ANKRD17: variants seen among roughly 807,000 people sequenced by gnomAD.
ANKRD17 encodes ankyrin repeat domain-containing protein 17.
ANKRD17 carries 19 observed loss-of-function variants against 229.7 expected under a neutral mutation model. The observed-to-expected ratio is 0.08, with a 90% CI of 0.06 to 0.12. The LOEUF is 0.12. Among genes scored for constraint, ANKRD17 ranks in the 10% least tolerant of loss-of-function variants. The pLI, the probability that ANKRD17 is intolerant of heterozygous loss-of-function variation, is 1.00. For synonymous variants in ANKRD17, 1,112 were observed against 1,146.1 expected, an observed-to-expected ratio of 0.97 and a Z score of 0.60; for missense variants, 2,176 against 3,176.8, an observed-to-expected ratio of 0.68 and a Z score of 7.57.
rs528162508 is a variant in ANKRD17 at position 73,131,243 on chromosome 4, G to T, written c.3234+3874C>A. Among the ~76,000 whole-genome samples, 20 of 152,306 alleles carry T rather than the reference G, an allele frequency of 1.3e-4. No individual in the cohort carries two copies. The South Asian group carries it at 3.7e-3, about 28-fold the overall frequency. On this transcript the variant is annotated intron_variant, in intron 16 of 33. Transcript: ENST00000358602. ...CCCTTGGCAAGTGAGTTCTAGTTGT[G>T]TAGCAGAGAGTTGAAGCCCCTTATG...
chr4:73,238,684 T>C (rs961594255), intron 1 of ANKRD17, among the ~76,000 whole-genome samples: 3 of 152,102 alleles, frequency 2.0e-5, no homozygotes, highest in Non-Finnish European at 2.9e-5. Flanking sequence ...CATACAGATC[T>C]GTAAAGAGGA....
chr4:73,147,221 C>A lies in ANKRD17; in HGVS notation c.1759+20G>T. On this transcript the variant is annotated intron_variant, in intron 9 of 33. Coordinates refer to ENST00000358602, the MANE Select transcript of ANKRD17 (RefSeq NM_032217.5). Reference sequence around the variant, plus strand: ...AAACAAATCATGTAAAAAACTTCTCCCAAATGCAAAAATGCCTACCTGCAG... The same window carrying A: ...AAACAAATCATGTAAAAAACTTCTCACAAATGCAAAAATGCCTACCTGCAG... 6.6e-7 allele frequency: 1 copy of A among 1,511,422 alleles called. No individual in the cohort carries two copies. The highest frequency in any genetic ancestry group is 1.3e-5 in the South Asian group (1 of 74,908). The allele number at this position is 1,511,422 out of a possible 1,614,324, so 93.6% of individuals were successfully genotyped here. A position where few individuals can be genotyped will look rare whatever the true frequency, so the allele number is the denominator to read the frequency against.
At chr4:73,179,518 A>ATATATATATTTT (rs1192164276) in intron 1 of ANKRD17, among the ~76,000 whole-genome samples, 6 of 40,780 alleles carry the variant, frequency 1.5e-4, no homozygotes, top group Non-Finnish European at 2.3e-4. Flanking sequence ...ATATATATAT[A>ATATATATATTTT]TTTTTTTTTT....
chr4:73,130,972 GT>G, intron 16 of ANKRD17, among the ~76,000 whole-genome samples: 1 of 152,030 alleles, frequency 6.6e-6, no homozygotes, highest in South Asian at 2.1e-4. Flanking sequence ...AATAAGTTTG[GT>G]TATACCAAAC....
chr4:73,083,328 C>T (rs1179495417), intron 30 of ANKRD17, among the ~76,000 whole-genome samples: 1 of 152,096 alleles, frequency 6.6e-6, no homozygotes, highest in Non-Finnish European at 1.5e-5. Context: ...AGGTATTTGA[C>T]AATGGTATCA....
intron 24 of ANKRD17, 108 bp downstream of exon 24, chr4:73,113,684 G>C: frequency 1.1e-6 from 1 of 894,010 alleles, no homozygotes. Flanking sequence ...AATCATGTAC[G>C]TAATTTAAAG....
intron 22 of ANKRD17, among the ~76,000 whole-genome samples, chr4:73,117,118 C>A (rs535130743): frequency 9.2e-5 from 14 of 152,164 alleles, no homozygotes; most frequent in African/African-American, 3.1e-4. Context: ...ACTTGTACGA[C>A]CTCTAGAGAT....
intron 1 of ANKRD17, among the ~76,000 whole-genome samples, chr4:73,235,914 G>A (rs1267980725): frequency 6.6e-6 from 1 of 151,792 alleles, no homozygotes; most frequent in African/African-American, 2.4e-5. Context: ...ATGTTTCCCA[G>A]GCTGGTTTCG....
chr4:73,123,074 T>A (rs964070991), intron 18 of ANKRD17, among the ~76,000 whole-genome samples: 1 of 152,120 alleles, frequency 6.6e-6, no homozygotes, highest in East Asian at 1.9e-4. Flanking sequence ...ACTTCAACAA[T>A]TGTTATAACC....
chr4:73,184,171 A>G (rs897072624), intron 1 of ANKRD17, among the ~76,000 whole-genome samples: 2 of 152,208 alleles, frequency 1.3e-5, no homozygotes, highest in Non-Finnish European at 2.9e-5. Context: ...TATTACTGCC[A>G]TACTAGAGAA....
chr4:73,247,097 C>G (rs1166230406), intron 1 of ANKRD17, among the ~76,000 whole-genome samples: 1 of 151,696 alleles, frequency 6.6e-6, no homozygotes, highest in African/African-American at 2.4e-5. Flanking sequence ...AAGAAAACAA[C>G]AAGACAATCC....
chr4:73,170,118 AG>A (rs1238089948), intron 2 of ANKRD17, among the ~76,000 whole-genome samples: 1 of 152,002 alleles, frequency 6.6e-6, no homozygotes, highest in African/African-American at 2.4e-5. Flanking sequence ...GGAGTGCTTG[AG>A]TCACCCCTCT....
At chr4:73,147,099 C>G (rs1406949177) in intron 9 of ANKRD17, 142 bp downstream of exon 9, 4 of 854,466 alleles carry the variant, frequency 4.7e-6, no homozygotes, top group Middle Eastern at 2.6e-4. Flanking sequence ...GTAAACTGTT[C>G]AGAATACATA....
In ANKRD17 at chr4:73,094,724, G is replaced by A. The variant is rs372031159; in HGVS notation, c.5178-496C>T. Among the ~76,000 whole-genome samples, 4 of 148,418 alleles carry A rather than the reference G, an allele frequency of 2.7e-5. No individual in the cohort carries two copies. In the South Asian group the frequency reaches 6.3e-4, roughly 23 times the overall value. On this transcript the variant is annotated intron_variant, in intron 27 of 33. Coordinates refer to ENST00000358602, the MANE Select transcript of ANKRD17 (RefSeq NM_032217.5). ...GTATAATATATACATGTATATATGT[G>A]TATATATATATATTATATGTGTGTG...
At chr4:73,158,478 T>C (rs1213669055) in intron 3 of ANKRD17, among the ~76,000 whole-genome samples, 1 of 152,188 alleles carries the variant, frequency 6.6e-6, no homozygotes, top group East Asian at 1.9e-4. Context: ...AGCTCCTCTC[T>C]CAGACATGGC....
At chr4:73,188,348 A>G (rs1358978714) in intron 1 of ANKRD17, among the ~76,000 whole-genome samples, 1 of 152,152 alleles carries the variant, frequency 6.6e-6, no homozygotes, top group East Asian at 1.9e-4. Context: ...GCATTTTGGG[A>G]GGCCAAGGTA....
chr4:73,247,093 A>G (rs1744571711), intron 1 of ANKRD17, among the ~76,000 whole-genome samples: 1 of 148,530 alleles, frequency 6.7e-6, no homozygotes, highest in East Asian at 1.9e-4. Flanking sequence ...CAATAAGAAA[A>G]CAACAAGACA....
intron 1 of ANKRD17, among the ~76,000 whole-genome samples, chr4:73,213,816 A>G (rs550927061): frequency 6.6e-6 from 1 of 152,284 alleles, no homozygotes; most frequent in East Asian, 1.9e-4. Context: ...CATTATCTGA[A>G]TTTTATTTTT....
chr4:73,171,744 A>C (rs1734066721), intron 2 of ANKRD17, among the ~76,000 whole-genome samples: 1 of 152,196 alleles, frequency 6.6e-6, no homozygotes, highest in Non-Finnish European at 1.5e-5. Flanking sequence ...ATCAAGCAGC[A>C]ATATTGGAGC....
Sources: allele counts gnomAD v4.1 joint callset (sites outside exome capture counted in the v4.1 genomes callset), GRCh38; gene constraint gnomAD v4.1.1; transcripts MANE v1.5; gene names NCBI Gene and HGNC (gene_info 2026-07-23, HGNC 2026-07-21).